Variants in SIK3 observed in about 807,000 individuals in gnomAD.
The protein encoded by SIK3 is serine/threonine-protein kinase SIK3.
A neutral mutation model predicts 144.2 loss-of-function variants in SIK3; 28 were observed. The ratio of observed to expected loss-of-function variants is 0.19; its 90% CI spans 0.14 to 0.27. SIK3 has a LOEUF of 0.27. SIK3 is among the 10% of genes least tolerant of loss of function. The probability of loss-of-function intolerance (pLI) is 1.00; values close to 1 mark genes in which losing one functional copy is unlikely to be tolerated. For synonymous variants in SIK3, 686 were observed against 676.3 expected (o/e 1.01, Z -0.22); for missense variants, 1,319 against 1,776.0 (o/e 0.74, Z 4.62).
intron 4 of SIK3, among the ~76,000 whole-genome samples, chr11:116,914,550 G>T (rs930597902): frequency 2.0e-5 from 3 of 152,118 alleles, no homozygotes; most frequent in Non-Finnish European, 4.4e-5. Context: ...TCAGTACAAG[G>T]TGAACAAGAC....
chr11:117,062,423 C>G (rs1004458719), intron 1 of SIK3, among the ~76,000 whole-genome samples: 1 of 152,134 alleles, frequency 6.6e-6, no homozygotes, highest in Non-Finnish European at 1.5e-5. Context: ...TCCATTGGCC[C>G]TCTGATCAAA....
intron 1 of SIK3, among the ~76,000 whole-genome samples, chr11:116,997,424 T>C (rs1381548889): frequency 6.6e-6 from 1 of 152,232 alleles, no homozygotes; most frequent in Admixed American, 6.5e-5. Flanking sequence ...TAAATGCATA[T>C]CTACATCTAT....
intron 4 of SIK3, among the ~76,000 whole-genome samples, chr11:116,906,227 C>T (rs1261715386): frequency 4.6e-5 from 7 of 151,806 alleles, no homozygotes; most frequent in African/African-American, 1.5e-4. Flanking sequence ...CTGAAAGGAG[C>T]GGACAGTACT....
At chr11:117,069,581 G>A (rs968464930) in intron 1 of SIK3, among the ~76,000 whole-genome samples, 3 of 152,006 alleles carry the variant, frequency 2.0e-5, no homozygotes, top group South Asian at 2.1e-4. Context: ...GGGAAATAAC[G>A]GTTTCCTTGT....
At chr11:116,940,854 CA>C (rs952979884) in intron 3 of SIK3, among the ~76,000 whole-genome samples, 4 of 146,904 alleles carry the variant, frequency 2.7e-5, no homozygotes. Context: ...GAAAACAGAA[CA>C]AAAAATGAAT....
intron 1 of SIK3, among the ~76,000 whole-genome samples, chr11:117,011,190 G>A (rs1362942974): frequency 6.6e-6 from 1 of 152,156 alleles, no homozygotes; most frequent in East Asian, 1.9e-4. Context: ...AGAAAAAAGA[G>A]ATGAAATCTG....
chr11:117,084,223 T>C (rs941299653), intron 1 of SIK3, among the ~76,000 whole-genome samples: 3 of 152,136 alleles, frequency 2.0e-5, no homozygotes, highest in Non-Finnish European at 4.4e-5. Context: ...TCTCTTACTC[T>C]TATAAGCTTC....
chr11:116,860,837 T>A lies in SIK3; in HGVS notation c.2425+437A>T, dbSNP rs1040662643. On this transcript the variant is annotated intron_variant, in intron 19 of 24. Coordinates refer to ENST00000445177, the MANE Select transcript of SIK3 (RefSeq NM_001366686.3). ...AGTTTCCTCCATGCTGTTCTCATGA[T>A]AATGAGGGAATTCTTGAGATCTGGT... 2.0e-5 allele frequency among the ~76,000 whole-genome samples: 3 copies of A among 152,188 alleles called. No individual in the cohort carries two copies. The East Asian group carries it at 5.8e-4, about 29-fold the overall frequency.
At chr11:116,870,809 G>C (rs1943930342) in intron 13 of SIK3, among the ~76,000 whole-genome samples, 1 of 152,142 alleles carries the variant, frequency 6.6e-6, no homozygotes, top group Admixed American at 6.5e-5. Context: ...TCCTGGAGGA[G>C]GTAGCACCTA....
At chr11:116,881,263 T>C (rs935174060) in intron 6 of SIK3, among the ~76,000 whole-genome samples, 3 of 134,546 alleles carry the variant, frequency 2.2e-5, no homozygotes, top group Non-Finnish European at 4.6e-5. Flanking sequence ...CTCCTCTGCT[T>C]GTGTGTGCCA....
At chr11:117,017,345 T>C (rs1243870200) in intron 1 of SIK3, among the ~76,000 whole-genome samples, 1 of 152,228 alleles carries the variant, frequency 6.6e-6, no homozygotes, top group Non-Finnish European at 1.5e-5. Context: ...AGCTGGCTCC[T>C]AGGCATGCTA....
chr11:116,892,966 T>A (rs1945207676), intron 6 of SIK3, among the ~76,000 whole-genome samples: 1 of 152,166 alleles, frequency 6.6e-6, no homozygotes, highest in Admixed American at 6.5e-5. Context: ...CTGAAAAGGC[T>A]GCATCCTGTA....
intron 1 of SIK3, among the ~76,000 whole-genome samples, chr11:117,063,196 C>T (rs1399139142): frequency 6.6e-6 from 1 of 152,150 alleles, no homozygotes; most frequent in African/African-American, 2.4e-5. Context: ...GTGATATAAA[C>T]TACCAGTTAT....
rs550670730 is a variant in SIK3, at chr11:117,080,436, G to T, written c.273+17707C>A. Among the ~76,000 whole-genome samples the T allele has an allele frequency of 3.9e-5, 6 of 152,210 alleles. 1 individual carries two copies. Among genetic ancestry groups the T allele is most frequent in the African/African-American group, 1.4e-4 (6 of 41,516 alleles). ...AGACTCTGGCTTTAAAAGAAGATCA[G>T]AACATTGTATATATCATGATGGAAA... On this transcript the variant is annotated intron_variant, in intron 1 of 24. Coordinates refer to ENST00000445177, the MANE Select transcript of SIK3 (RefSeq NM_001366686.3).
intron 21 of SIK3, among the ~76,000 whole-genome samples, chr11:116,852,350 A>G (rs1942529414): frequency 6.6e-6 from 1 of 152,164 alleles, no homozygotes; most frequent in Non-Finnish European, 1.5e-5. Flanking sequence ...ACCAAGACAG[A>G]GCAAGCAACC....
chr11:116,992,490 A>G (rs1369368304), intron 1 of SIK3, among the ~76,000 whole-genome samples: 1 of 152,182 alleles, frequency 6.6e-6, no homozygotes, highest in African/African-American at 2.4e-5. Context: ...GGCCAAAGTA[A>G]AATACTTCCA....
At chr11:117,085,851 G>A (rs955629833) in intron 1 of SIK3, among the ~76,000 whole-genome samples, 13 of 152,302 alleles carry the variant, frequency 8.5e-5, no homozygotes, top group East Asian at 3.9e-4. Flanking sequence ...CGGGCATGGT[G>A]GCATGTGCCT....
intron 4 of SIK3, among the ~76,000 whole-genome samples, chr11:116,916,810 A>C (rs1023472149): frequency 6.7e-6 from 1 of 149,270 alleles, no homozygotes; most frequent in African/African-American, 2.5e-5. Context: ...AAAAAAAAAA[A>C]ATTTTTTTTT....
At chr11:116,897,342 C>G (rs187298935) in intron 4 of SIK3, 25 bp from the exon 5 acceptor site, 62 of 1,606,028 alleles carry the variant, frequency 3.9e-5, no homozygotes, top group African/African-American at 5.4e-5. Context: ...GGACATAATT[C>G]GTATTATTGT....
Sources: allele counts gnomAD v4.1 joint callset (sites outside exome capture counted in the v4.1 genomes callset), GRCh38; gene constraint gnomAD v4.1.1; transcripts MANE v1.5; gene names NCBI Gene and HGNC (gene_info 2026-07-23, HGNC 2026-07-21).